Variants in NRG3 observed in about 807,000 individuals in gnomAD.
The protein encoded by NRG3 is pro-neuregulin-3, membrane-bound isoform.
Under a neutral mutation model 66.9 loss-of-function variants are expected in NRG3, and 31 were observed. The observed-to-expected ratio is 0.46, with a 90% CI of 0.35 to 0.63. The LOEUF (loss-of-function observed/expected upper bound fraction) is 0.63. Ranked by LOEUF, NRG3 falls within the 20% of genes least tolerant of loss-of-function variation. NRG3 has a pLI of 0.00. For missense variants in NRG3, 910 were observed against 878.9 expected, an observed-to-expected ratio of 1.04 and a Z score of -0.45; for synonymous variants, 393 against 359.4, an observed-to-expected ratio of 1.09 and a Z score of -1.06.
At chr10:82,473,635 C>T (rs945677200) in intron 2 of NRG3, among the ~76,000 whole-genome samples, 3 of 152,132 alleles carry the variant, frequency 2.0e-5, no homozygotes, top group African/African-American at 7.2e-5. Flanking sequence ...GCCATTGCCC[C>T]TTTGCCTTCC....
intron 4 of NRG3, among the ~76,000 whole-genome samples, chr10:82,917,990 ATATGTATGTATG>A (rs151168005): frequency 2.2e-5 from 3 of 137,802 alleles, no homozygotes; most frequent in African/African-American, 5.5e-5. Context: ...ATATATATAT[ATATGTATGTATG>A]TATCTCTCTC....
chr10:82,880,545 T>G (rs888258562), intron 4 of NRG3, among the ~76,000 whole-genome samples: 1 of 152,204 alleles, frequency 6.6e-6, no homozygotes, highest in South Asian at 2.1e-4. Flanking sequence ...GCTTGAACTA[T>G]TCCCATAATC....
At chr10:82,124,967 T>C (rs2068339328) in intron 1 of NRG3, among the ~76,000 whole-genome samples, 1 of 151,956 alleles carries the variant, frequency 6.6e-6, no homozygotes, top group South Asian at 2.1e-4. Context: ...CAAAATGCAA[T>C]ATTTTTCTTG....
intron 3 of NRG3, among the ~76,000 whole-genome samples, chr10:82,771,872 AAATC>A (rs1275406738): frequency 6.6e-6 from 1 of 152,098 alleles, no homozygotes; most frequent in Non-Finnish European, 1.5e-5. Context: ...TCTGTTGTCT[AAATC>A]AATTTTGGAT....
chr10:82,945,355 G>A (rs1411379584), intron 4 of NRG3, among the ~76,000 whole-genome samples: 1 of 152,202 alleles, frequency 6.6e-6, no homozygotes, highest in Admixed American at 6.5e-5. Flanking sequence ...TTTGTGCTGT[G>A]AAAAGGACTT....
intron 3 of NRG3, among the ~76,000 whole-genome samples, chr10:82,830,934 A>G (rs2062487888): frequency 6.6e-6 from 1 of 152,214 alleles, no homozygotes; most frequent in Non-Finnish European, 1.5e-5. Flanking sequence ...CTGGGCTGAT[A>G]CAGAACATGC....
At position 82,936,206 on chromosome 10, in the gene NRG3, G is replaced by A. The variant is rs980794432; in HGVS notation, c.1055-15263G>A. On this transcript the variant is annotated intron_variant, in intron 4 of 8. Coordinates refer to ENST00000372141, the MANE Select transcript of NRG3 (RefSeq NM_001010848.4). ...TTTTGAAAAAATAAAAGATTGTGATGTTTCACAACATGGACAGTAATGAAA... is the reference window on the plus strand; with the variant it reads ...TTTTGAAAAAATAAAAGATTGTGATATTTCACAACATGGACAGTAATGAAA... Among the ~76,000 whole-genome samples, 3 of 152,280 alleles carry A rather than the reference G, an allele frequency of 2.0e-5. No homozygotes were observed. The South Asian group carries it at 6.2e-4, about 32-fold the overall frequency.
chr10:82,075,138 G>A (rs2065022210), intron 1 of NRG3, among the ~76,000 whole-genome samples: 2 of 152,100 alleles, frequency 1.3e-5, no homozygotes, highest in Admixed American at 1.3e-4. Flanking sequence ...TTCTTACACT[G>A]CTTAGAAACT....
chr10:82,287,887 C>T (rs555418136), intron 1 of NRG3, among the ~76,000 whole-genome samples: 129 of 152,304 alleles, frequency 8.5e-4, no homozygotes, highest in Admixed American at 2.8e-3. Context: ...AGGTTGCTCA[C>T]AGCATGCCAT....
At chr10:82,182,362 T>G (rs1031899199) in intron 1 of NRG3, among the ~76,000 whole-genome samples, 2 of 151,768 alleles carry the variant, frequency 1.3e-5, no homozygotes, top group Non-Finnish European at 2.9e-5. Context: ...TTTCATTGAT[T>G]TTTTATAGTG....
At chr10:82,617,601 A>G (rs918346345) in intron 2 of NRG3, among the ~76,000 whole-genome samples, 1 of 152,180 alleles carries the variant, frequency 6.6e-6, no homozygotes, top group Non-Finnish European at 1.5e-5. Context: ...TATGAAGTCT[A>G]AAAAGAAAAT....
intron 2 of NRG3, among the ~76,000 whole-genome samples, chr10:82,733,704 G>A (rs2058028670): frequency 6.6e-6 from 1 of 152,324 alleles, no homozygotes; most frequent in Admixed American, 6.5e-5. Context: ...CCATGTTAGT[G>A]TTGCTTGTTT....
intron 1 of NRG3, among the ~76,000 whole-genome samples, chr10:82,306,910 C>A (rs2080770147): frequency 6.6e-6 from 1 of 151,884 alleles, no homozygotes; most frequent in South Asian, 2.1e-4. Context: ...CAAGCTGTAG[C>A]TCTATGAAGT....
At chr10:81,895,673 T>C (rs1843448378) in intron 1 of NRG3, among the ~76,000 whole-genome samples, 1 of 152,162 alleles carries the variant, frequency 6.6e-6, no homozygotes, top group East Asian at 1.9e-4. Flanking sequence ...GTGTGTGTTG[T>C]AGGAAGAGCA....
intron 2 of NRG3, among the ~76,000 whole-genome samples, chr10:82,690,013 C>A (rs2054800577): frequency 6.6e-6 from 1 of 152,138 alleles, no homozygotes; most frequent in Non-Finnish European, 1.5e-5. Context: ...TTCCTTACTT[C>A]TTTTTGCCTT....
intron 2 of NRG3, among the ~76,000 whole-genome samples, chr10:82,378,790 C>G (rs2085425218): frequency 6.6e-6 from 1 of 151,968 alleles, no homozygotes; most frequent in Non-Finnish European, 1.5e-5. Context: ...AGGCTGGTCT[C>G]AAACTCCAGA....
intron 1 of NRG3, among the ~76,000 whole-genome samples, chr10:82,179,942 TAA>T (rs897368913): frequency 4.6e-5 from 7 of 151,890 alleles, no homozygotes; most frequent in African/African-American, 1.7e-4. Flanking sequence ...TTTCAGCATA[TAA>T]GTCTTTCTTC....
intron 4 of NRG3, among the ~76,000 whole-genome samples, chr10:82,904,313 A>G (rs1844513848): frequency 6.6e-6 from 1 of 152,148 alleles, no homozygotes; most frequent in Non-Finnish European, 1.5e-5. Flanking sequence ...AAAAGACTGG[A>G]CACCCCTGGT....
intron 1 of NRG3, among the ~76,000 whole-genome samples, chr10:82,333,757 G>C (rs1365603275): frequency 2.0e-5 from 3 of 152,100 alleles, no homozygotes. Flanking sequence ...ATTTTGGGTG[G>C]AGTCTGAGTG....
Sources: gnomAD v4.1 joint callset for allele counts (sites outside exome capture counted in the v4.1 genomes callset) on GRCh38, gnomAD v4.1.1 for gene constraint, MANE v1.5 for transcripts, NCBI Gene and HGNC (gene_info 2026-07-23, HGNC 2026-07-21) for gene names.